NXPH1: variants seen among roughly 807,000 people sequenced by gnomAD.
The protein encoded by NXPH1 is neurexophilin-1.
NXPH1 carries 5 observed loss-of-function variants against 23.7 expected under a neutral mutation model. The ratio of observed to expected loss-of-function variants is 0.21; its 90% CI spans 0.11 to 0.44. The LOEUF (loss-of-function observed/expected upper bound fraction) is 0.44, where lower values mean the gene tolerates loss of function less well. NXPH1 is among the 20% of genes least tolerant of loss of function. The probability of loss-of-function intolerance (pLI) is 0.99; values close to 1 mark genes in which losing one functional copy is unlikely to be tolerated. For synonymous variants in NXPH1, 144 were observed against 122.2 expected (o/e 1.18, Z -1.18); for missense variants, 324 against 321.6 (o/e 1.01, Z -0.06).
chr7:8,630,088 A>G (rs1820094928), intron 2 of NXPH1, among the ~76,000 whole-genome samples: 2 of 152,064 alleles, frequency 1.3e-5, no homozygotes, highest in South Asian at 2.1e-4. Flanking sequence ...TTGCCAGAAT[A>G]ACTTCTGTTG....
intron 2 of NXPH1, among the ~76,000 whole-genome samples, chr7:8,463,110 G>A (rs563886787): frequency 7.4e-4 from 112 of 152,170 alleles, no homozygotes; most frequent in African/African-American, 2.6e-3. Context: ...AAGTTTAGGG[G>A]TAATTCTTCA....
chr7:8,692,115 A>C (rs1038521519), intron 2 of NXPH1, among the ~76,000 whole-genome samples: 18 of 151,676 alleles, frequency 1.2e-4, no homozygotes, highest in Non-Finnish European at 2.5e-4. Context: ...GGAGAGTGCT[A>C]TGAGATGGCA....
chr7:8,727,412 C>T lies in NXPH1; in HGVS notation c.55-23596C>T, dbSNP rs1440130965. On this transcript the variant is annotated intron_variant, in intron 2 of 2. Coordinates refer to ENST00000405863, the MANE Select transcript of NXPH1 (RefSeq NM_152745.3). ...GTGTTTTAGACATGAAGTCCTTGCC[C>T]ATGCCTATGTCCTGAATGGTAATGC... Among the ~76,000 whole-genome samples, 327 of 140,994 alleles carry T rather than the reference C, an allele frequency of 2.3e-3. 1 individual carries two copies. Among genetic ancestry groups the T allele is most frequent in the African/African-American group, 8.7e-3 (310 of 35,674 alleles). The allele number at this position is 140,994 out of a possible 152,430, so 92.5% of individuals were successfully genotyped here.
chr7:8,600,929 T>C (rs1362752501), intron 2 of NXPH1, among the ~76,000 whole-genome samples: 1 of 152,082 alleles, frequency 6.6e-6, no homozygotes, highest in African/African-American at 2.4e-5. Flanking sequence ...AGACCTTTTT[T>C]TTTTTGTTTT....
chr7:8,671,348 A>C (rs1488610259), intron 2 of NXPH1, among the ~76,000 whole-genome samples: 1 of 152,148 alleles, frequency 6.6e-6, no homozygotes, highest in East Asian at 1.9e-4. Context: ...TAGGTTCCTG[A>C]GCATTCTAAA....
At chr7:8,690,174 AC>A (rs1821203198) in intron 2 of NXPH1, 1 of 152,236 alleles carries the variant, frequency 6.6e-6, no homozygotes, top group Non-Finnish European at 1.5e-5. Context: ...TCCCTTGCTA[AC>A]ATCTGCCAGA....
At chr7:8,717,707 A>G (rs1463935205) in intron 2 of NXPH1, among the ~76,000 whole-genome samples, 1 of 152,178 alleles carries the variant, frequency 6.6e-6, no homozygotes, top group Non-Finnish European at 1.5e-5. Flanking sequence ...CCCTCCTGCT[A>G]CATATGTGGT....
intron 2 of NXPH1, among the ~76,000 whole-genome samples, chr7:8,630,688 T>C (rs992511891): frequency 2.0e-5 from 3 of 152,212 alleles, no homozygotes; most frequent in African/African-American, 7.2e-5. Flanking sequence ...TTGATACTAC[T>C]GAGCCAAAGT....
chr7:8,546,393 G>A (rs1488254078), intron 2 of NXPH1, among the ~76,000 whole-genome samples: 1 of 151,370 alleles, frequency 6.6e-6, no homozygotes, highest in Non-Finnish European at 1.5e-5. Context: ...ATTATTATAT[G>A]CCTGTGAGTA....
At chr7:8,551,775 G>A (rs917285820) in intron 2 of NXPH1, among the ~76,000 whole-genome samples, 7 of 151,314 alleles carry the variant, frequency 4.6e-5, no homozygotes, top group African/African-American at 1.7e-4. Flanking sequence ...ACTTTGAAGA[G>A]CAAACAAATG....
chr7:8,646,008 G>A (rs1023973595), intron 2 of NXPH1, among the ~76,000 whole-genome samples: 4 of 151,882 alleles, frequency 2.6e-5, no homozygotes, highest in African/African-American at 7.3e-5. Flanking sequence ...GTAACATCTT[G>A]TCAAGTCCTC....
intron 2 of NXPH1, among the ~76,000 whole-genome samples, chr7:8,556,870 A>G (rs1051366869): frequency 9.2e-5 from 14 of 151,688 alleles, no homozygotes; most frequent in Non-Finnish European, 2.1e-4. Flanking sequence ...GGGCTTATAC[A>G]TGATTTCTCA....
chr7:8,610,698 TC>T (rs1819599523), intron 2 of NXPH1, among the ~76,000 whole-genome samples: 1 of 152,074 alleles, frequency 6.6e-6, no homozygotes, highest in Admixed American at 6.6e-5. Flanking sequence ...GTTGATTCAT[TC>T]CCTCTAATTT....
At chr7:8,467,485 A>T (rs1432324618) in intron 2 of NXPH1, among the ~76,000 whole-genome samples, 1 of 152,166 alleles carries the variant, frequency 6.6e-6, no homozygotes, top group Non-Finnish European at 1.5e-5. Context: ...AGTTTCCCTA[A>T]TCTTCTTTCA....
chr7:8,721,770 C>T (rs1232315368), intron 2 of NXPH1, among the ~76,000 whole-genome samples: 2 of 152,166 alleles, frequency 1.3e-5, no homozygotes, highest in Admixed American at 6.5e-5. Flanking sequence ...TAGCGAGACT[C>T]TGTCTCAAAA....
chr7:8,469,276 T>A (rs1816832400), intron 2 of NXPH1, among the ~76,000 whole-genome samples: 2 of 152,072 alleles, frequency 1.3e-5, no homozygotes, highest in South Asian at 4.1e-4. Flanking sequence ...TTATCTAGAC[T>A]TTGAAAATGA....
chr7:8,469,061 AAGT>A (rs1816829703), intron 2 of NXPH1, among the ~76,000 whole-genome samples: 1 of 152,018 alleles, frequency 6.6e-6, no homozygotes, highest in African/African-American at 2.4e-5. Flanking sequence ...TTTACATAAA[AAGT>A]AGATTTAAGT....
intron 2 of NXPH1, among the ~76,000 whole-genome samples, chr7:8,466,157 A>G (rs935314959): frequency 6.6e-6 from 1 of 152,232 alleles, no homozygotes; most frequent in African/African-American, 2.4e-5. Context: ...AAAAAATACA[A>G]AAGGATTAAT....
chr7:8,635,681 G>A (rs1280327525), intron 2 of NXPH1, among the ~76,000 whole-genome samples: 1 of 152,160 alleles, frequency 6.6e-6, no homozygotes, highest in Non-Finnish European at 1.5e-5. Flanking sequence ...AAAAAGAAAT[G>A]TAATAACAGA....
Sources: allele counts gnomAD v4.1 joint callset (sites outside exome capture counted in the v4.1 genomes callset), GRCh38; gene constraint gnomAD v4.1.1; transcripts MANE v1.5; gene names NCBI Gene and HGNC (gene_info 2026-07-23, HGNC 2026-07-21).